The following TMEM245 variants were observed in gnomAD, a reference collection of about 807,000 sequenced individuals.
The protein encoded by TMEM245 is protein CG-2.
A neutral mutation model predicts 101.2 loss-of-function variants in TMEM245; 69 were observed. The ratio of observed to expected loss-of-function variants is 0.68; its 90% CI spans 0.56 to 0.83. TMEM245 has a LOEUF of 0.83. TMEM245 is among the 40% of genes least tolerant of loss of function. The probability of loss-of-function intolerance (pLI) is 0.00; values close to 1 mark genes in which losing one functional copy is unlikely to be tolerated. For missense variants in TMEM245, 1,075 were observed against 1,092.8 expected (o/e 0.98, Z 0.23); for synonymous variants, 537 against 449.8 (o/e 1.19, Z -2.45).
At chr9:109,064,683 T>C in intron 9 of TMEM245, 116 bp from the exon 10 acceptor site, 2 of 726,370 alleles carry the variant, frequency 2.8e-6, no homozygotes, top group Non-Finnish European at 4.5e-6. Flanking sequence ...CATTCACCAA[T>C]ACACAGATAC....
intron 12 of TMEM245, among the ~76,000 whole-genome samples, chr9:109,056,457 A>AAG (rs1248044479): frequency 2.0e-5 from 3 of 148,762 alleles, no homozygotes; most frequent in African/African-American, 7.6e-5. Context: ...AAAAAAAAAA[A>AAG]AAAAAAAAAT....
chr9:109,052,654 A>G (rs2132399972), intron 12 of TMEM245, among the ~76,000 whole-genome samples: 1 of 152,356 alleles, frequency 6.6e-6, no homozygotes, highest in African/African-American at 2.4e-5. Context: ...ATGCTTCACA[A>G]TGCCTACAAA....
chr9:109,113,462 C>T (rs913362532), intron 1 of TMEM245, among the ~76,000 whole-genome samples: 1 of 152,196 alleles, frequency 6.6e-6, no homozygotes, highest in Non-Finnish European at 1.5e-5. Context: ...TCCAAAACAA[C>T]ATGTCCTTTT....
chr9:109,117,806 T>C (rs1830766216), intron 1 of TMEM245, among the ~76,000 whole-genome samples: 1 of 152,266 alleles, frequency 6.6e-6, no homozygotes, highest in Non-Finnish European at 1.5e-5. Flanking sequence ...GTTAGCAGAA[T>C]CTATAAATGT....
chr9:109,027,971 C>G (rs183935410), intron 17 of TMEM245, among the ~76,000 whole-genome samples: 2 of 151,796 alleles, frequency 1.3e-5, no homozygotes, highest in East Asian at 3.9e-4. Flanking sequence ...CGTGACCCAC[C>G]GCACCCGGCC....
rs187755520 is a variant in TMEM245, at chr9:109,015,136, T to G, written c.*5324A>C. 3.9e-5 allele frequency: 6 copies of G among 152,276 alleles called. No individual in the cohort carries two copies. In the East Asian group the frequency reaches 1.2e-3, roughly 29 times the overall value. 9.4% of individuals were successfully genotyped at this position (152,276 alleles called of 1,614,324 possible). ...TCAAGTTTTTCAACACACAGGAGAT[T>G]AAGTTTACCACATGATTCATTCAAC... is the stretch of plus-strand genomic sequence containing the variant. On this transcript the variant is annotated 3_prime_UTR_variant, in exon 18 of 18. Coordinates refer to ENST00000374586, the MANE Select transcript of TMEM245 (RefSeq NM_032012.4).
intron 9 of TMEM245, among the ~76,000 whole-genome samples, chr9:109,071,221 T>C (rs1196898661): frequency 1.3e-5 from 2 of 152,068 alleles, no homozygotes; most frequent in Non-Finnish European, 2.9e-5. Flanking sequence ...TGTTGGTACA[T>C]GTATCATTAG....
In TMEM245 at chr9:109,119,428, G is replaced by A; in HGVS notation, c.486C>T (p.Leu162=). 6.6e-7 allele frequency: 1 copy of A among 1,522,940 alleles called. No homozygotes were observed. Among genetic ancestry groups the A allele is most frequent in the Non-Finnish European group, 8.8e-7 (1 of 1,140,166 alleles). The allele number at this position is 1,522,940 out of a possible 1,614,324, so 94.3% of individuals were successfully genotyped here. Reference sequence around the variant, plus strand: ...CGCCCAAGTAGCTGCCGAGGCAGTAGAGGCCGTACAGGAGCGGGCCGCCGG... The same window carrying A: ...CGCCCAAGTAGCTGCCGAGGCAGTAAAGGCCGTACAGGAGCGGGCCGCCGG... ...LGAGGPLLYG[L]YCLGSYLGVQ... Residue 162 remains leucine (L), a synonymous_variant, in exon 1 of 18, where the codon CTC becomes CTT. Coordinates refer to ENST00000374586, the MANE Select transcript of TMEM245 (RefSeq NM_032012.4).
At chr9:109,060,645 G>C (rs1339811725) in intron 10 of TMEM245, among the ~76,000 whole-genome samples, 193 bp from the exon 11 acceptor site, 1 of 151,880 alleles carries the variant, frequency 6.6e-6, no homozygotes, top group African/African-American at 2.4e-5. Flanking sequence ...TCATGTTTTT[G>C]CTTCTATTTT....
chr9:109,045,062 A>T (rs1413565432), intron 14 of TMEM245, among the ~76,000 whole-genome samples: 1 of 152,142 alleles, frequency 6.6e-6, no homozygotes, highest in Non-Finnish European at 1.5e-5. Context: ...ACCTGGCCTC[A>T]TTTCTTTTGT....
At chr9:109,028,446 C>T (rs1827853208) in intron 17 of TMEM245, among the ~76,000 whole-genome samples, 1 of 114,882 alleles carries the variant, frequency 8.7e-6, no homozygotes, top group Admixed American at 1.0e-4. Context: ...AAGAGTGACA[C>T]TCCATCTCAA....
At chr9:109,109,272 A>C (rs1163043295) in intron 1 of TMEM245, among the ~76,000 whole-genome samples, 3 of 152,156 alleles carry the variant, frequency 2.0e-5, no homozygotes, top group Admixed American at 6.5e-5. Flanking sequence ...CCTAGAGCTT[A>C]AGACGCATCA....
intron 17 of TMEM245, among the ~76,000 whole-genome samples, chr9:109,030,994 G>A (rs1295548496): frequency 1.3e-5 from 2 of 152,148 alleles, no homozygotes; most frequent in African/African-American, 4.8e-5. Context: ...TTGATTACAC[G>A]AGAATATCCA....
At chr9:109,099,445 T>C (rs1321174295) in intron 3 of TMEM245, among the ~76,000 whole-genome samples, 2 of 152,210 alleles carry the variant, frequency 1.3e-5, no homozygotes, top group Admixed American at 6.5e-5. Context: ...CAATTACCAA[T>C]GCCAGGAGGA....
At chr9:109,056,621 AAATT>A (rs934752015) in intron 12 of TMEM245, among the ~76,000 whole-genome samples, 1 of 152,054 alleles carries the variant, frequency 6.6e-6, no homozygotes, top group Admixed American at 6.6e-5. Context: ...TCTCAAAAAA[AAATT>A]AATTAATTTT....
At chr9:109,038,755 A>G (rs1439540249) in intron 14 of TMEM245, 1 of 152,288 alleles carries the variant, frequency 6.6e-6, no homozygotes, top group Non-Finnish European at 1.5e-5. Flanking sequence ...AGGAAAATAC[A>G]AGAGAGATAA....
chr9:109,059,837 T>A (rs550917474), intron 11 of TMEM245, among the ~76,000 whole-genome samples: 3 of 152,186 alleles, frequency 2.0e-5, no homozygotes, highest in African/African-American at 7.2e-5. Context: ...TACTGAGCAC[T>A]TAAAATATGG....
chr9:109,029,513 A>C (rs962784373), intron 17 of TMEM245, among the ~76,000 whole-genome samples: 3 of 152,246 alleles, frequency 2.0e-5, no homozygotes, highest in African/African-American at 7.2e-5. Context: ...TCAAGCATAG[A>C]ATTCTCTACA....
At chr9:109,114,087 C>T (rs1200173697) in intron 1 of TMEM245, among the ~76,000 whole-genome samples, 1 of 151,462 alleles carries the variant, frequency 6.6e-6, no homozygotes, top group Non-Finnish European at 1.5e-5. Flanking sequence ...CAAAACAAAA[C>T]AAAACAAAAA....
Sources: gnomAD v4.1 joint callset for allele counts (sites outside exome capture counted in the v4.1 genomes callset) on GRCh38, gnomAD v4.1.1 for gene constraint, MANE v1.5 for transcripts, NCBI Gene and HGNC (gene_info 2026-07-23, HGNC 2026-07-21) for gene names.